The following TMPRSS9 variants were observed in gnomAD, a reference collection of about 807,000 sequenced individuals.
TMPRSS9 encodes transmembrane serine protease 9, also known as transmembrane protease serine 9.
In TMPRSS9, 113 loss-of-function variants were observed where a neutral mutation model predicts 111.4. The observed-to-expected ratio is 1.01, with a 90% CI of 0.87 to 1.19. The LOEUF (loss-of-function observed/expected upper bound fraction) is 1.19, where lower values mean the gene tolerates loss of function less well. TMPRSS9 is among the 50% of genes most tolerant of loss of function. The pLI, the probability that TMPRSS9 is intolerant of heterozygous loss-of-function variation, is 0.00. For synonymous variants in TMPRSS9, 805 were observed against 659.1 expected, an observed-to-expected ratio of 1.22 and a Z score of -3.39; for missense variants, 1,803 against 1,513.1, an observed-to-expected ratio of 1.19 and a Z score of -3.18.
At chr19:2,396,279 C>G (rs1970704623) in intron 1 of TMPRSS9, 1 of 387,472 alleles carries the variant, frequency 2.6e-6, no homozygotes, top group South Asian at 6.6e-5. Context: ...GGCACTCATC[C>G]ACCTTGTGCT....
exon 14 of TMPRSS9, chr19:2,421,859 C>G: frequency 6.2e-7 from 1 of 1,600,178 alleles, no homozygotes; most frequent in Non-Finnish European, 8.5e-7. Flanking sequence ...TCTAGGGTGA[C>G]TCTGGGGGCC....
At chr19:2,424,152 A>G in exon 15 of TMPRSS9, 1 of 1,453,132 alleles carries the variant, frequency 6.9e-7, no homozygotes, top group Non-Finnish European at 9.1e-7. Flanking sequence ...GGCCGTGGGG[A>G]GTGGCCGTGG....
chr19:2,424,030 G>C, intron 14 of TMPRSS9, 59 bp from the exon 16 acceptor site: 3 of 1,245,582 alleles, frequency 2.4e-6, no homozygotes, highest in Non-Finnish European at 3.0e-6. Flanking sequence ...GCGCCCAGGG[G>C]GGCCTTCGTG....
intron 9 of TMPRSS9, among the ~76,000 whole-genome samples, chr19:2,413,066 G>A (rs988702166): frequency 2.6e-5 from 4 of 151,948 alleles, no homozygotes; most frequent in Non-Finnish European, 5.9e-5. Context: ...GTGGTGATGC[G>A]TGCCTATAAT....
intron 1 of TMPRSS9, among the ~76,000 whole-genome samples, chr19:2,370,191 A>G (rs1259530836): frequency 2.0e-5 from 3 of 151,894 alleles, no homozygotes; most frequent in Non-Finnish European, 4.4e-5. Context: ...CCTGGGTGAC[A>G]AGAGACTTCA....
intron 6 of TMPRSS9, among the ~76,000 whole-genome samples, chr19:2,403,799 G>A (rs1004382006): frequency 4.0e-5 from 6 of 151,724 alleles, no homozygotes; most frequent in African/African-American, 1.5e-4. Context: ...CGAGACCATC[G>A]TGGCTAACAC....
At position 2,421,673 on chromosome 19, in the gene TMPRSS9, T is replaced by A. The variant is rs181925367; in HGVS notation, c.2155-181T>A. 4.9e-4 allele frequency among the ~76,000 whole-genome samples: 74 copies of A among 152,268 alleles called. 4 individuals carry two copies. In the South Asian group the frequency reaches 0.014, roughly 30 times the overall value. On this transcript the variant is annotated intron_variant, in intron 13 of 17. Coordinates refer to ENST00000648592, the Ensembl canonical transcript of TMPRSS9. The stretch of plus-strand genomic sequence containing the variant: ...ATGATGGAAACTCAGAGAGGAGAAG[T>A]GACTCACTCCAGGTCACACAGCCAG...
chr19:2,388,836 C>T (rs1472840524), upstream of TMPRSS9, among the ~76,000 whole-genome samples: 1 of 151,884 alleles, frequency 6.6e-6, no homozygotes, highest in Admixed American at 6.6e-5. Flanking sequence ...ATTGCCCAGG[C>T]TGGTCTCAAA....
At chr19:2,408,274 T>G in intron 7 of TMPRSS9, 82 bp from the exon 9 acceptor site, 1 of 1,415,378 alleles carries the variant, frequency 7.1e-7, no homozygotes, top group South Asian at 1.3e-5. Flanking sequence ...CCTTACATTT[T>G]GCACCCAAGG....
chr19:2,367,049 T>C (rs1365721595), intron 1 of TMPRSS9, among the ~76,000 whole-genome samples: 2 of 151,972 alleles, frequency 1.3e-5, no homozygotes, highest in Non-Finnish European at 2.9e-5. Context: ...CCCCCAGGGC[T>C]GGTGATTCAA....
intron 1 of TMPRSS9, among the ~76,000 whole-genome samples, chr19:2,362,185 T>G (rs1288243189): frequency 1.3e-5 from 2 of 151,958 alleles, no homozygotes; most frequent in African/African-American, 4.8e-5. Flanking sequence ...TGTCATGTCA[T>G]GCGTGATTGT....
At chr19:2,413,430 T>C (rs868758685) in intron 9 of TMPRSS9, among the ~76,000 whole-genome samples, 1 of 152,154 alleles carries the variant, frequency 6.6e-6, no homozygotes, top group Non-Finnish European at 1.5e-5. Context: ...GGGGATGTTA[T>C]TTATTTGGGT....
chr19:2,381,948 T>C (rs963462808), intron 1 of TMPRSS9, among the ~76,000 whole-genome samples: 5 of 152,204 alleles, frequency 3.3e-5, no homozygotes, highest in African/African-American at 9.6e-5. Flanking sequence ...GTTCAAGAGA[T>C]TGACCTATCT....
exon 2 of TMPRSS9, chr19:2,396,618 G>C: frequency 6.2e-7 from 1 of 1,603,764 alleles, no homozygotes; most frequent in South Asian, 1.1e-5. Flanking sequence ...GTTTGCGGCG[G>C]GAGACCTCGG....
chr19:2,384,090 A>G (rs1970422936), intron 1 of TMPRSS9, among the ~76,000 whole-genome samples: 1 of 152,118 alleles, frequency 6.6e-6, no homozygotes, highest in Admixed American at 6.6e-5. Flanking sequence ...CCACGTGGGC[A>G]CGTCCAGGGG....
intron 1 of TMPRSS9, among the ~76,000 whole-genome samples, chr19:2,395,188 C>T (rs1460584376): frequency 7.2e-5 from 11 of 152,032 alleles, no homozygotes; most frequent in Admixed American, 5.9e-4. Context: ...GAGGCCAAGG[C>T]GGGTGGATCA....
intron 1 of TMPRSS9, among the ~76,000 whole-genome samples, chr19:2,380,211 G>A (rs752961183): frequency 6.6e-6 from 1 of 152,014 alleles, no homozygotes; most frequent in Non-Finnish European, 1.5e-5. Flanking sequence ...TTGAGCCCAA[G>A]AAATCGAGGC....
At chr19:2,413,645 GGT>G in intron 9 of TMPRSS9, 53 bp from the exon 11 acceptor site, 1 of 1,547,622 alleles carries the variant, frequency 6.5e-7, no homozygotes, top group South Asian at 1.2e-5. Context: ...TCGTAGCACT[GGT>G]GTCTGGACTG....
chr19:2,404,211 A>C (rs1321363656), intron 6 of TMPRSS9, among the ~76,000 whole-genome samples: 1 of 152,114 alleles, frequency 6.6e-6, no homozygotes, highest in East Asian at 1.9e-4. Flanking sequence ...ATGTTTCTAT[A>C]AAAATACTAG....
Sources: allele counts gnomAD v4.1 joint callset (sites outside exome capture counted in the v4.1 genomes callset), GRCh38; gene constraint gnomAD v4.1.1; transcripts MANE v1.5; gene names NCBI Gene and HGNC (gene_info 2026-07-23, HGNC 2026-07-21).